Variants in RAD51B observed in about 807,000 individuals in gnomAD.
The protein encoded by RAD51B is DNA repair protein RAD51 homolog 2.
RAD51B carries 38 observed loss-of-function variants against 42.2 expected under a neutral mutation model. That is an observed-to-expected ratio of 0.90 (90% confidence interval 0.70 to 1.18). RAD51B has a LOEUF of 1.18. RAD51B is among the 50% of genes most tolerant of loss of function. RAD51B has a pLI of 0.00. For missense variants in RAD51B, 373 were observed against 400.7 expected (o/e 0.93, Z 0.59); for synonymous variants, 154 against 145.2 (o/e 1.06, Z -0.43).
At chr14:68,263,234 G>A (rs2080923385) in intron 7 of RAD51B, among the ~76,000 whole-genome samples, 2 of 152,208 alleles carry the variant, frequency 1.3e-5, no homozygotes, top group African/African-American at 4.8e-5. Flanking sequence ...CAGCAAGAGT[G>A]TTTGAATACA....
At chr14:68,158,975 A>G (rs181848950) in intron 7 of RAD51B, among the ~76,000 whole-genome samples, 88 of 152,332 alleles carry the variant, frequency 5.8e-4, no homozygotes, top group African/African-American at 2.1e-3. Context: ...AGTAAGTGTT[A>G]GAAGAGCCTC....
intron 7 of RAD51B, among the ~76,000 whole-genome samples, chr14:68,039,426 CAAAAAAAAAAA>C (rs754840073): frequency 6.3e-5 from 4 of 63,848 alleles, no homozygotes; most frequent in East Asian, 9.4e-4. Flanking sequence ...GACTTCATTC[CAAAAAAAAAAA>C]AAAAAAAAAA....
intron 11 of RAD51B, among the ~76,000 whole-genome samples, chr14:68,670,483 C>T (rs1893133798): frequency 6.6e-6 from 1 of 152,210 alleles, no homozygotes; most frequent in Non-Finnish European, 1.5e-5. Context: ...GGAGAGGGCA[C>T]TAGGCCAGGG....
intron 7 of RAD51B, among the ~76,000 whole-genome samples, chr14:68,034,438 A>G (rs574880557): frequency 1.3e-5 from 2 of 152,126 alleles, no homozygotes; most frequent in African/African-American, 4.8e-5. Context: ...TGCCCAGTTA[A>G]TTTTGTATTT....
chr14:67,852,294 T>C (rs1194623428), intron 4 of RAD51B, among the ~76,000 whole-genome samples: 1 of 152,204 alleles, frequency 6.6e-6, no homozygotes, highest in Non-Finnish European at 1.5e-5. Context: ...GGATATGGCT[T>C]CTATCCTAGA....
chr14:68,671,918 G>C (rs961429294), intron 11 of RAD51B, among the ~76,000 whole-genome samples: 9 of 152,120 alleles, frequency 5.9e-5, no homozygotes, highest in Non-Finnish European at 1.2e-4. Flanking sequence ...TGCCTTCTTG[G>C]GGTCAGTGGT....
At chr14:68,474,937 GC>G (rs1882432738) in intron 10 of RAD51B, among the ~76,000 whole-genome samples, 1 of 152,184 alleles carries the variant, frequency 6.6e-6, no homozygotes, top group Non-Finnish European at 1.5e-5. Context: ...AGCTGGTTTG[GC>G]AGCTTAGCTC....
chr14:67,906,789 C>CCCTT lies in RAD51B; in HGVS notation c.756+19599_756+19602dup, dbSNP rs140358735. Among the ~76,000 whole-genome samples the CCCTT allele has an allele frequency of 4.0e-3, 596 of 149,614 alleles. 8 individuals carry two copies. Among genetic ancestry groups the CCCTT allele is most frequent in the African/African-American group, 0.014 (560 of 40,604 alleles). On this transcript the variant is annotated intron_variant, in intron 7 of 10. Coordinates refer to ENST00000471583, the MANE Select transcript of RAD51B (RefSeq NM_133510.4). ...TTTATTTGAATATTCTCTCTTCTTT[C>CCCTT]CCTTCCTTCCTTCCTTCTTTCTTTC...
At chr14:68,086,041 CAG>C (rs966701972) in intron 7 of RAD51B, among the ~76,000 whole-genome samples, 2 of 152,206 alleles carry the variant, frequency 1.3e-5, no homozygotes, top group African/African-American at 4.8e-5. Context: ...ATCTCAAGGA[CAG>C]AGGGCTTTCT....
chr14:67,895,212 T>G (rs556092741), intron 7 of RAD51B, among the ~76,000 whole-genome samples: 11 of 152,312 alleles, frequency 7.2e-5, no homozygotes, highest in African/African-American at 2.6e-4. Flanking sequence ...TAGCTCTTAG[T>G]CTTTAGCGTT....
chr14:68,335,128 C>A (rs532293311), intron 8 of RAD51B, among the ~76,000 whole-genome samples: 1 of 150,198 alleles, frequency 6.7e-6, no homozygotes, highest in Non-Finnish European at 1.5e-5. Context: ...CAAACCACAT[C>A]TCTACTAAAA....
intron 7 of RAD51B, among the ~76,000 whole-genome samples, chr14:67,905,651 G>A (rs868077627): frequency 1.9e-4 from 29 of 152,104 alleles, no homozygotes; most frequent in Middle Eastern, 3.4e-3. Context: ...TGTGTTCCTA[G>A]GTACTTTTTT....
At chr14:68,188,708 C>G (rs578210541) in intron 7 of RAD51B, among the ~76,000 whole-genome samples, 2 of 152,230 alleles carry the variant, frequency 1.3e-5, no homozygotes, top group African/African-American at 4.8e-5. Flanking sequence ...GAGTTATCCA[C>G]CTAGAAACAA....
intron 10 of RAD51B, among the ~76,000 whole-genome samples, chr14:68,538,733 A>G (rs1026976199): frequency 1.3e-5 from 2 of 152,008 alleles, no homozygotes; most frequent in Non-Finnish European, 2.9e-5. Context: ...TTTTAAAATT[A>G]CAGAAAATCA....
intron 10 of RAD51B, among the ~76,000 whole-genome samples, chr14:68,537,092 CAAAAAAAA>C (rs5809385): frequency 9.5e-6 from 1 of 104,742 alleles, no homozygotes; most frequent in African/African-American, 3.8e-5. Context: ...GGTCCTGTCT[CAAAAAAAA>C]AAAAAAAAAA....
chr14:68,257,488 G>A (rs1466598554), intron 7 of RAD51B, among the ~76,000 whole-genome samples: 2 of 152,054 alleles, frequency 1.3e-5, no homozygotes, highest in African/African-American at 2.4e-5. Flanking sequence ...ACTGTGACAT[G>A]TGTAGTATAC....
intron 7 of RAD51B, among the ~76,000 whole-genome samples, chr14:68,088,012 A>AT (rs1491556820): frequency 8.3e-5 from 11 of 131,980 alleles, no homozygotes; most frequent in Non-Finnish European, 1.7e-4. Context: ...TAATTATATA[A>AT]TATATTATTA....
intron 4 of RAD51B, among the ~76,000 whole-genome samples, chr14:67,844,811 T>G (rs965810539): frequency 6.6e-6 from 1 of 152,028 alleles, no homozygotes; most frequent in Admixed American, 6.6e-5. Context: ...GATGTTCCCC[T>G]TCAAAAATGA....
chr14:68,006,032 G>T (rs914850074), intron 7 of RAD51B, among the ~76,000 whole-genome samples: 2 of 152,158 alleles, frequency 1.3e-5, no homozygotes, highest in Non-Finnish European at 2.9e-5. Context: ...ACTCTATGAG[G>T]AGAACAGCAC....
Sources: allele counts gnomAD v4.1 joint callset (sites outside exome capture counted in the v4.1 genomes callset), GRCh38; gene constraint gnomAD v4.1.1; transcripts MANE v1.5; gene names NCBI Gene and HGNC (gene_info 2026-07-23, HGNC 2026-07-21).